BRD4: variants seen among roughly 807,000 people sequenced by gnomAD.
BRD4 encodes the protein bromodomain containing 4, also known as bromodomain-containing protein 4.
BRD4 carries 16 observed loss-of-function variants against 142.1 expected under a neutral mutation model. The observed-to-expected ratio is 0.11, with a 90% CI of 0.08 to 0.17. BRD4 has a LOEUF of 0.17. Ranked by LOEUF, BRD4 falls within the 10% of genes least tolerant of loss-of-function variation. The pLI, the probability that BRD4 is intolerant of heterozygous loss-of-function variation, is 1.00. For missense variants in BRD4, 1,424 were observed against 1,810.9 expected (o/e 0.79, Z 3.88); for synonymous variants, 833 against 707.5 (o/e 1.18, Z -2.82).
rs1189216789 is a variant in BRD4 at position 15,238,667 on chromosome 19, G to A, written c.4020+76C>T. ...CTCCCCCGCTGCCCCTCCCTGTCCA[G>A]GCTCCAGTCCCCCTTTCCCAGCTCC... On this transcript the variant is annotated intron_variant, in intron 19 of 19. Coordinates refer to ENST00000679869, the MANE Select transcript of BRD4 (RefSeq NM_001379291.1). The surrounding 1 kb of genome is among the most constrained non-coding windows in gnomAD (Gnocchi z 7.2). 12 of 1,458,174 alleles carry A rather than the reference G, an allele frequency of 8.2e-6. No homozygotes were observed. Among genetic ancestry groups the A allele is most frequent in the African/African-American group, 1.4e-5 (1 of 69,924 alleles). The allele number at this position is 1,458,174 out of a possible 1,614,324, so 90.3% of individuals were successfully genotyped here.
chr19:15,265,689 C>T (rs769259370), intron 4 of BRD4, 46 bp from the exon 5 acceptor site: 29 of 1,602,394 alleles, frequency 1.8e-5, no homozygotes, highest in Non-Finnish European at 2.4e-5. Flanking sequence ...TGCTGACATC[C>T]ACATGCTGGC....
chr19:15,293,850 G>C (rs28704770), intron 1 of BRD4, among the ~76,000 whole-genome samples: 6,921 of 152,186 alleles, frequency 0.045, 447 homozygotes, highest in African/African-American at 0.14. Flanking sequence ...TATTTTTTGT[G>C]TATGTATTTG....
chr19:15,262,855 T>C (rs567341493), intron 7 of BRD4, among the ~76,000 whole-genome samples: 1 of 152,326 alleles, frequency 6.6e-6, no homozygotes, highest in African/African-American at 2.4e-5. Flanking sequence ...TTTTCCTTTT[T>C]TAAAAAAATT....
chr19:15,255,160 C>G lies in BRD4; in HGVS notation c.2047+137G>C, dbSNP rs188499235. ...CAATGTCACAACCTTTCGGAGGTTT[C>G]TGTGTCAAGAACACAGATATTATAA... is the stretch of plus-strand genomic sequence containing the variant. On this transcript the variant is annotated intron_variant, in intron 10 of 19. Transcript: ENST00000679869. 6.9e-6 allele frequency: 6 copies of G among 871,580 alleles called. No individual in the cohort carries two copies. In the East Asian group the frequency reaches 8.1e-5, roughly 12 times the overall value. The allele number at this position is 871,580 out of a possible 1,614,324, so 54.0% of individuals were successfully genotyped here. A position where few individuals can be genotyped will look rare whatever the true frequency, so the allele number is the denominator to read the frequency against.
At chr19:15,282,905 C>T (rs2047715387) in intron 1 of BRD4, among the ~76,000 whole-genome samples, 1 of 152,138 alleles carries the variant, frequency 6.6e-6, no homozygotes, top group South Asian at 2.1e-4. Context: ...AAGGCTACAG[C>T]AGTTAAGCTA....
chr19:15,319,515 G>T (rs2048043649), intron 1 of BRD4, among the ~76,000 whole-genome samples: 1 of 152,122 alleles, frequency 6.6e-6, no homozygotes, highest in African/African-American at 2.4e-5. Flanking sequence ...TCAGCAGGCT[G>T]AGGTGGGAGG....
intron 1 of BRD4, among the ~76,000 whole-genome samples, chr19:15,327,230 C>G (rs894573795): frequency 6.6e-6 from 1 of 152,124 alleles, no homozygotes; most frequent in African/African-American, 2.4e-5. Flanking sequence ...ATATCTGTCC[C>G]AGAGAAACTA....
At chr19:15,331,011 C>G (rs761577947) in intron 1 of BRD4, among the ~76,000 whole-genome samples, 8 of 152,046 alleles carry the variant, frequency 5.3e-5, no homozygotes, top group Non-Finnish European at 7.3e-5. Flanking sequence ...AGAGCCCTGT[C>G]GAAGGTAAGC....
chr19:15,321,285 AGAAG>A (rs763679579), intron 1 of BRD4, among the ~76,000 whole-genome samples: 13 of 151,164 alleles, frequency 8.6e-5, no homozygotes, highest in South Asian at 4.2e-4. Context: ...AAAAAGAGAA[AGAAG>A]GAAGGAAGGA....
chr19:15,330,168 C>T (rs1383960065), intron 1 of BRD4, among the ~76,000 whole-genome samples: 3 of 152,198 alleles, frequency 2.0e-5, no homozygotes, highest in African/African-American at 7.2e-5. Context: ...CGGAGGTGGA[C>T]TCGACTCCTT....
intron 1 of BRD4, among the ~76,000 whole-genome samples, chr19:15,319,716 A>C (rs1008744583): frequency 6.6e-6 from 1 of 152,152 alleles, no homozygotes; most frequent in African/African-American, 2.4e-5. Context: ...TGAACTGCTT[A>C]AGCCCAGGAC....
intron 1 of BRD4, among the ~76,000 whole-genome samples, chr19:15,321,915 A>C (rs1328770327): frequency 6.6e-6 from 1 of 152,142 alleles, no homozygotes; most frequent in Admixed American, 6.6e-5. Flanking sequence ...GGGTACAGGG[A>C]AGAAACGAAA....
At chr19:15,245,349 T>C in intron 11 of BRD4, among the ~76,000 whole-genome samples, 1 of 150,958 alleles carries the variant, frequency 6.6e-6, no homozygotes. Context: ...GTGAGGAACA[T>C]ATCGGCAAGG....
chr19:15,307,254 T>C (rs2047922207), intron 1 of BRD4, among the ~76,000 whole-genome samples: 1 of 152,174 alleles, frequency 6.6e-6, no homozygotes, highest in Non-Finnish European at 1.5e-5. Context: ...GTAAGAGCGC[T>C]GCAGGGTGGG....
chr19:15,255,609 C>T lies in BRD4; in HGVS notation c.1752-17G>A, dbSNP rs1243347493. ...TCCTTCTTGCTACGAAGGGACGATG[C>T]AGACACCATCAAGAACGGGCCCCCT... On this transcript the variant is annotated splice_polypyrimidine_tract_variant and intron_variant, in intron 9 of 19. Coordinates refer to ENST00000679869, the MANE Select transcript of BRD4 (RefSeq NM_001379291.1). 6 of 1,583,462 alleles carry T rather than the reference C, an allele frequency of 3.8e-6. No individual in the cohort carries two copies. The highest frequency in any genetic ancestry group is 5.2e-6 in the Non-Finnish European group (6 of 1,160,860).
intron 1 of BRD4, among the ~76,000 whole-genome samples, chr19:15,301,735 C>T (rs1320396999): frequency 1.3e-5 from 2 of 151,644 alleles, no homozygotes; most frequent in Admixed American, 6.6e-5. Context: ...GTGGTGGGCG[C>T]CTGTAGTCCC....
At chr19:15,251,169 T>C (rs1406632481) in intron 11 of BRD4, among the ~76,000 whole-genome samples, 1 of 151,938 alleles carries the variant, frequency 6.6e-6, no homozygotes, top group Non-Finnish European at 1.5e-5. Context: ...ATCCTCCTCC[T>C]GCCTGTGTTC....
intron 1 of BRD4, among the ~76,000 whole-genome samples, chr19:15,329,750 ATAAAAAC>A (rs978533596): frequency 6.6e-6 from 1 of 152,194 alleles, no homozygotes; most frequent in Admixed American, 6.6e-5. Context: ...AAAATAAAAA[ATAAAAAC>A]AAAACAAAAT....
chr19:15,256,363 C>A, intron 8 of BRD4, 100 bp from the exon 9 acceptor site: 4 of 1,438,152 alleles, frequency 2.8e-6, no homozygotes, highest in Non-Finnish European at 3.8e-6. Flanking sequence ...ACAGCATGCA[C>A]CTGGGGCATC....
Sources: gnomAD v4.1 joint callset for allele counts (sites outside exome capture counted in the v4.1 genomes callset) on GRCh38, gnomAD v4.1.1 for gene constraint, Gnocchi (gnomAD v3.1) non-coding constraint, MANE v1.5 for transcripts, NCBI Gene and HGNC (gene_info 2026-07-23, HGNC 2026-07-21) for gene names.